Variants in RNF17 observed in about 807,000 individuals in gnomAD.
RNF17 encodes the protein ring finger protein 17.
In RNF17, 31 loss-of-function variants were observed where a neutral mutation model predicts 200.5. The observed-to-expected ratio is 0.15, with a 90% CI of 0.12 to 0.21. The LOEUF is 0.21. Ranked by LOEUF, RNF17 falls within the 10% of genes least tolerant of loss-of-function variation. The probability of loss-of-function intolerance (pLI) is 1.00; values close to 1 mark genes in which losing one functional copy is unlikely to be tolerated. For synonymous variants in RNF17, 606 were observed against 637.8 expected (o/e 0.95, Z 0.75); for missense variants, 1,628 against 1,905.1 (o/e 0.85, Z 2.71).
chr13:24,797,189 CA>C (rs1247892105), intron 11 of RNF17, among the ~76,000 whole-genome samples: 2 of 152,168 alleles, frequency 1.3e-5, no homozygotes, highest in Non-Finnish European at 2.9e-5. Flanking sequence ...AAATGTAATA[CA>C]TTCCAAAAAT....
chr13:24,757,570 G>A, the RNF17 span, among the ~76,000 whole-genome samples: 5 of 151,954 alleles, frequency 3.3e-5, no homozygotes, highest in Non-Finnish European at 5.9e-5. Context: ...GCAATCTGCC[G>A]GCCTCAGCCT....
intron 34 of RNF17, among the ~76,000 whole-genome samples, chr13:24,877,827 A>C (rs1312032266): frequency 6.6e-6 from 1 of 152,244 alleles, no homozygotes; most frequent in East Asian, 1.9e-4. Context: ...AAAAAACTCC[A>C]GACTGCATTT....
At chr13:24,786,014 C>T (rs80153700) in intron 6 of RNF17, among the ~76,000 whole-genome samples, 1,829 of 152,204 alleles carry the variant, frequency 0.012, 15 homozygotes, top group Middle Eastern at 0.024. Context: ...TTTATTTACA[C>T]TTAAAATACT....
At chr13:24,842,334 G>A (rs1289397420) in intron 19 of RNF17, among the ~76,000 whole-genome samples, 173 bp downstream of exon 19, 1 of 152,068 alleles carries the variant, frequency 6.6e-6, no homozygotes. Flanking sequence ...TCATTAATGA[G>A]GACTAGAGTG....
rs1895251487 is a variant in RNF17, at chr13:24,879,731, T to TTGA, written c.*11-5_*11-4insGAT. 6.5e-6 allele frequency: 1 copy of TTGA among 154,630 alleles called. No homozygotes were observed. The highest frequency in any genetic ancestry group is 6.4e-5 in the Admixed American group (1 of 15,670). The allele number at this position is 154,630 out of a possible 1,614,324, so 9.6% of individuals were successfully genotyped here. ...AAGGTTTAAAATAACACATTTTATT[T>TTGA]TTCAGGTATACAGTGAGAGCATCTA... On this transcript the variant is annotated splice_polypyrimidine_tract_variant and splice_region_variant and intron_variant, in intron 35 of 35. Coordinates refer to ENST00000255324, the MANE Select transcript of RNF17 (RefSeq NM_031277.3).
At chr13:24,805,999 T>C (rs7989630) in intron 15 of RNF17, among the ~76,000 whole-genome samples, 29,806 of 152,006 alleles carry the variant, frequency 0.2, 3,183 homozygotes, top group South Asian at 0.32. Context: ...ATCCCCATCA[T>C]CTACATTAGG....
chr13:24,876,904 A>G (rs1894919632), intron 33 of RNF17, 93 bp from the exon 34 acceptor site: 11 of 1,021,200 alleles, frequency 1.1e-5, no homozygotes, highest in Non-Finnish European at 1.4e-5. Context: ...TGCAAAATCC[A>G]ATGTTATGAA....
Position 24,781,853 on chromosome 13 carries a change from C to T in RNF17, c.520C>T (p.His174Tyr), listed in dbSNP as rs1333564592. The T allele has an allele frequency of 5.0e-6, 8 of 1,597,192 alleles. No homozygotes were observed. The South Asian group carries it at 8.0e-5, about 16-fold the overall frequency. ...QLSIAGKALE[H>Y]MQKQTIEERE... Reference sequence around the variant, plus strand: ...TTTTTTTTTTTTCCAGGCACTTGAACACATGCAGAAGCAAACGATAGAGGA... The same window carrying T: ...TTTTTTTTTTTTCCAGGCACTTGAATACATGCAGAAGCAAACGATAGAGGA... The change falls in exon 6 of 36, where the codon CAC becomes TAC. Residue 174 changes from histidine (H) to tyrosine (Y), a missense_variant. Around this residue, in one of 5 missense-constraint regions of RNF17, gnomAD observed 502 missense variants for 501.7 expected, o/e 1.00. Transcript: ENST00000255324.
intron 15 of RNF17, among the ~76,000 whole-genome samples, chr13:24,819,507 T>G (rs1887784449): frequency 6.6e-6 from 1 of 152,234 alleles, no homozygotes; most frequent in Non-Finnish European, 1.5e-5. Context: ...CTTCCCTTCT[T>G]GTTTCCTTTT....
intron 1 of RNF17, among the ~76,000 whole-genome samples, chr13:24,764,635 C>G (rs1025631133): frequency 9.2e-5 from 14 of 152,280 alleles, no homozygotes; most frequent in Admixed American, 8.5e-4. Flanking sequence ...GGCAGGTTAG[C>G]GGGTGCATGC....
chr13:24,796,967 A>G (rs1250744004), intron 11 of RNF17, among the ~76,000 whole-genome samples: 1 of 152,204 alleles, frequency 6.6e-6, no homozygotes, highest in Non-Finnish European at 1.5e-5. Flanking sequence ...ATTGTCATTT[A>G]AAAGTATGAT....
At position 24,767,315 on chromosome 13, in the gene RNF17, A is replaced by G. The variant is rs1361102983; in HGVS notation, c.174A>G (p.Leu58=). ...AATGTGGACATGCTTTTTGTGAACT[A>G]TGCTTGTTAATGACTGAAGAATGCA... The part of the protein sequence containing the change: ...ELQCGHAFCE[L]CLLMTEECTT... The change falls in exon 2 of 36, where the codon CTA becomes CTG. Residue 58 remains leucine, a synonymous_variant. Transcript: ENST00000255324. The G allele has an allele frequency of 4.3e-6, 7 of 1,612,722 alleles. No individual in the cohort carries two copies. The highest frequency in any genetic ancestry group is 2.7e-5 in the African/African-American group (2 of 74,900).
intron 32 of RNF17, among the ~76,000 whole-genome samples, chr13:24,873,117 G>T (rs1894472259): frequency 6.6e-6 from 1 of 152,192 alleles, no homozygotes; most frequent in African/African-American, 2.4e-5. Flanking sequence ...TGAAAGGACA[G>T]AATGGAAGGC....
At position 24,844,745 on chromosome 13, in the gene RNF17, T is replaced by C. The variant is rs201946106; in HGVS notation, c.2925T>C (p.Asp975=). Reference sequence around the variant, plus strand: ...TGCACTGTGCTGTTAAGATCCAAGATAAAAATCAGTGGCGAAGAGGCCAGA... The same window carrying C: ...TGCACTGTGCTGTTAAGATCCAAGACAAAAATCAGTGGCGAAGAGGCCAGA... ...NDMHCAVKIQ[D]KNQWRRGQII... The change falls in exon 21 of 36, where the codon GAT becomes GAC. Residue 975 remains aspartate (D), a synonymous_variant. Transcript: ENST00000255324. 4 of 1,613,818 alleles carry C rather than the reference T, an allele frequency of 2.5e-6. No homozygotes were observed. Among genetic ancestry groups the C allele is most frequent in the Non-Finnish European group, 3.4e-6 (4 of 1,179,756 alleles).
intron 7 of RNF17, among the ~76,000 whole-genome samples, chr13:24,788,977 G>A (rs1419972460): frequency 1.3e-5 from 2 of 152,100 alleles, no homozygotes; most frequent in Non-Finnish European, 2.9e-5. Context: ...TGTTTCCTGT[G>A]TATTACACGT....
chr13:24,874,862 C>T lies in RNF17; in HGVS notation c.4583+613C>T, dbSNP rs867826900. Among the ~76,000 whole-genome samples, 120 of 152,204 alleles carry T rather than the reference C, an allele frequency of 7.9e-4. 1 individual carries two copies. Among genetic ancestry groups the T allele is most frequent in the African/African-American group, 2.6e-3 (106 of 41,440 alleles). ...AAGTAATAGGATCACAGTCCATTCT[C>T]ACCCAGTCCCTAGTAACCCATAGTC... On this transcript the variant is annotated intron_variant, in intron 33 of 35. Transcript: ENST00000255324.
In RNF17 at chr13:24,767,268, A is replaced by G. The variant is rs780384728; in HGVS notation, c.131-4A>G. On this transcript the variant is annotated splice_region_variant and splice_polypyrimidine_tract_variant and intron_variant, in intron 1 of 35. Transcript: ENST00000255324. ...AAAATAATAATTAAGAATTTCATCA[A>G]TAGGTCACCATTGTGAACTTCAATG... is the stretch of plus-strand genomic sequence containing the variant. The G allele has an allele frequency of 1.9e-6, 3 of 1,574,974 alleles. No homozygotes were observed. Among genetic ancestry groups the G allele is most frequent in the East Asian group, 2.2e-5 (1 of 44,650 alleles).
rs746135157 is a variant in RNF17 at position 24,858,951 on chromosome 13, A to G, written c.3611-50A>G. On this transcript the variant is annotated intron_variant, in intron 25 of 35. Coordinates refer to ENST00000255324, the MANE Select transcript of RNF17 (RefSeq NM_031277.3). ...AGAAATGAAGTTATTAAATTGACAA[A>G]TGATAGGGAATTTTCCTTAATGCTT... 8 of 1,177,712 alleles carry G rather than the reference A, an allele frequency of 6.8e-6. No individual in the cohort carries two copies. In the Admixed American group the frequency reaches 1.6e-4, roughly 24 times the overall value. The allele number at this position is 1,177,712 out of a possible 1,614,324, so 73.0% of individuals were successfully genotyped here.
At chr13:24,806,598 T>C (rs1040355887) in intron 15 of RNF17, among the ~76,000 whole-genome samples, 3 of 152,222 alleles carry the variant, frequency 2.0e-5, no homozygotes, top group Non-Finnish European at 2.9e-5. Context: ...GAGCATGTTT[T>C]TCATATGTTT....
Sources: allele counts gnomAD v4.1 joint callset (sites outside exome capture counted in the v4.1 genomes callset), GRCh38; gene constraint gnomAD v4.1.1; regional missense constraint gnomAD v4.1.1; transcripts MANE v1.5; gene names NCBI Gene and HGNC (gene_info 2026-07-23, HGNC 2026-07-21).